Variants in PCDHGB3 observed in about 807,000 individuals in gnomAD.
PCDHGB3 encodes the protein protocadherin gamma subfamily B, 3.
Under a neutral mutation model 59.2 loss-of-function variants are expected in PCDHGB3, and 40 were observed. That is an observed-to-expected ratio of 0.68 (90% confidence interval 0.52 to 0.88). PCDHGB3 has a LOEUF of 0.88. Among genes scored for constraint, PCDHGB3 ranks in the 40% least tolerant of loss-of-function variants. The pLI is 0.00. For synonymous variants in PCDHGB3, 581 were observed against 503.6 expected (o/e 1.15, Z -2.06); for missense variants, 1,309 against 1,187.9 (o/e 1.10, Z -1.50).
Position 141,485,274 on chromosome 5 carries a change from C to G in PCDHGB3, c.2416-9533C>G. 2 of 1,614,106 alleles carry G rather than the reference C, an allele frequency of 1.2e-6. No homozygotes were observed. Among genetic ancestry groups the G allele is most frequent in the Non-Finnish European group, 1.7e-6 (2 of 1,179,964 alleles). On this transcript the variant is annotated intron_variant, in intron 1 of 3. Transcript: ENST00000576222. The surrounding 1 kb of genome is among the most constrained non-coding windows in gnomAD (Gnocchi z 5.7). ...TACGTTTGTGGGCAGATCCGCTACC[C>G]GGTCCCAGAGGAGTCACAGGAAGGG...
rs3749776 is a variant in PCDHGB3 at position 141,371,822 on chromosome 5, C to T, written c.1428C>T (p.Ala476=). 0.026 allele frequency: 42,283 copies of T among 1,613,860 alleles called. 714 individuals carry two copies. Among genetic ancestry groups the T allele is most frequent in the East Asian group, 0.041 (1,838 of 44,886 alleles). ...GAGCCTCCATTGCGCATGTCAGAGC[C>T]TCGGATCCCGACTTGGGACCTAATG... ...PPGASIAHVR[A]SDPDLGPNGL... The change falls in exon 1 of 4, where the codon GCC becomes GCT. Residue 476 remains alanine, a synonymous_variant. Coordinates refer to ENST00000576222, the MANE Select transcript of PCDHGB3 (RefSeq NM_018924.5).
Position 141,372,298 on chromosome 5 carries a change from GGGA to G in PCDHGB3, c.1907_1909del (p.Glu636del). The G allele has an allele frequency of 6.2e-7, 1 of 1,613,330 alleles. No individual in the cohort carries two copies. Among genetic ancestry groups the G allele is most frequent in the Non-Finnish European group, 8.5e-7 (1 of 1,179,880 alleles). On this transcript the variant is annotated inframe_deletion, in exon 1 of 4. Coordinates refer to ENST00000576222, the MANE Select transcript of PCDHGB3 (RefSeq NM_018924.5). Reference sequence around the variant, plus strand: ...CGCACGGCGCGTACCTTGGGCGACAGGGAGGCCGCCCGCCAGCGCCTGCTGGTC... The same window carrying G: ...CGCACGGCGCGTACCTTGGGCGACAGGGCCGCCCGCCAGCGCCTGCTGGTC...
At chr5:141,376,253 C>T (rs778244253) in intron 1 of PCDHGB3, 2 of 1,614,222 alleles carry the variant, frequency 1.2e-6, no homozygotes, top group East Asian at 4.5e-5. Flanking sequence ...CAAGTCACGC[C>T]TGCTGCAGGC....
In PCDHGB3 at chr5:141,432,647, C is replaced by T; in HGVS notation, c.2415+59838C>T. On this transcript the variant is annotated intron_variant, in intron 1 of 3. Coordinates refer to ENST00000576222, the MANE Select transcript of PCDHGB3 (RefSeq NM_018924.5). This position sits in a 1 kb window ranked among gnomAD's most constrained non-coding sequence, Gnocchi z 6.0. ...GCACACGGGCGAGGTGCGCACGGCG[C>T]GAGCCCTGCTGGACAGAGACGCGCT... 3 of 1,613,796 alleles carry T rather than the reference C, an allele frequency of 1.9e-6. No homozygotes were observed. Among genetic ancestry groups the T allele is most frequent in the Admixed American group, 1.7e-5 (1 of 60,008 alleles).
At chr5:141,451,957 A>C (rs1019378263) in intron 1 of PCDHGB3, among the ~76,000 whole-genome samples, 3 of 152,202 alleles carry the variant, frequency 2.0e-5, no homozygotes, top group African/African-American at 7.2e-5. Context: ...AGAAAGTGAC[A>C]TACCATCATT....
At chr5:141,496,583 C>A (rs990137003) in intron 2 of PCDHGB3, among the ~76,000 whole-genome samples, 1 of 152,168 alleles carries the variant, frequency 6.6e-6, no homozygotes, top group African/African-American at 2.4e-5. Flanking sequence ...TTTAGGAACG[C>A]AAAGCGCTTC....
chr5:141,476,061 C>T lies in PCDHGB3; in HGVS notation c.2416-18746C>T. On this transcript the variant is annotated intron_variant, in intron 1 of 3. Coordinates refer to ENST00000576222, the MANE Select transcript of PCDHGB3 (RefSeq NM_018924.5). The surrounding 1 kb of genome is among the most constrained non-coding windows in gnomAD (Gnocchi z 7.6). Reference sequence around the variant, plus strand: ...AAGCGCTAACCCGCTGAAAGTTTCTCAGCGAAATCTCAGGGACGATCTGGA... The same window carrying T: ...AAGCGCTAACCCGCTGAAAGTTTCTTAGCGAAATCTCAGGGACGATCTGGA... The T allele has an allele frequency of 6.6e-7, 1 of 1,508,880 alleles. No homozygotes were observed. Among genetic ancestry groups the T allele is most frequent in the Non-Finnish European group, 8.8e-7 (1 of 1,136,354 alleles). 93.5% of individuals were successfully genotyped at this position (1,508,880 alleles called of 1,614,324 possible).
intron 1 of PCDHGB3, chr5:141,408,193 C>T (rs1280310689): frequency 6.5e-7 from 1 of 1,545,210 alleles, no homozygotes; most frequent in Non-Finnish European, 8.7e-7. Flanking sequence ...AGCGAGAACC[C>T]GAGCGAACGA....
chr5:141,375,816 C>G, intron 1 of PCDHGB3: 2 of 1,614,194 alleles, frequency 1.2e-6, no homozygotes, highest in South Asian at 2.2e-5. Flanking sequence ...GTGGAGCTGG[C>G]GCCCCGCTCC....
At chr5:141,408,500 A>G in intron 1 of PCDHGB3, 1 of 1,614,018 alleles carries the variant, frequency 6.2e-7, no homozygotes, top group Non-Finnish European at 8.5e-7. Context: ...CAAAGAGAGA[A>G]GAAGATGTGA....
rs755177334 is a variant in PCDHGB3, at chr5:141,403,403, C to A, written c.2415+30594C>A. On this transcript the variant is annotated intron_variant, in intron 1 of 3. Coordinates refer to ENST00000576222, the MANE Select transcript of PCDHGB3 (RefSeq NM_018924.5). ...TAACGAAATCGCGGTTCCTGGAGCA[C>A]GTTATCCACTTCCAGAAGCTATTGA... 6.2e-6 allele frequency: 10 copies of A among 1,613,948 alleles called. 1 individual carries two copies. The South Asian group carries it at 1.1e-4, about 18-fold the overall frequency.
intron 1 of PCDHGB3, among the ~76,000 whole-genome samples, chr5:141,450,816 T>C (rs960010807): frequency 7.9e-6 from 1 of 126,568 alleles, no homozygotes; most frequent in Non-Finnish European, 1.6e-5. Context: ...ATTTATTTAA[T>C]ATTATTATTA....
intron 1 of PCDHGB3, chr5:141,395,272 G>C (rs750503990): frequency 6.5e-7 from 1 of 1,544,348 alleles, no homozygotes; most frequent in Admixed American, 2.1e-5. Context: ...TTAATTTCCA[G>C]ATGAATTTTA....
At position 141,421,588 on chromosome 5, in the gene PCDHGB3, G is replaced by C; in HGVS notation, c.2415+48779G>C. 3 of 1,613,910 alleles carry C rather than the reference G, an allele frequency of 1.9e-6. No homozygotes were observed. The South Asian group carries it at 3.3e-5, about 18-fold the overall frequency. ...AGACACCTTGAAGATTTACGGAGTGGAGGTGGAAATAATAGATATTAATGA... is the reference window on the plus strand; with the variant it reads ...AGACACCTTGAAGATTTACGGAGTGCAGGTGGAAATAATAGATATTAATGA... On this transcript the variant is annotated intron_variant, in intron 1 of 3. Coordinates refer to ENST00000576222, the MANE Select transcript of PCDHGB3 (RefSeq NM_018924.5).
At chr5:141,380,599 A>G (rs1427125974) in intron 1 of PCDHGB3, among the ~76,000 whole-genome samples, 3 of 152,234 alleles carry the variant, frequency 2.0e-5, no homozygotes, top group Non-Finnish European at 2.9e-5. Context: ...GATCTTTAAT[A>G]TTTAATTTTA....
chr5:141,372,309 C>T lies in PCDHGB3; in HGVS notation c.1915C>T (p.Arg639Cys), dbSNP rs950315336. The change falls in exon 1 of 4, where the codon CGC becomes TGC. Residue 639 changes from arginine (R) to cysteine (C), a missense_variant. Transcript: ENST00000576222. ...TACCTTGGGCGACAGGGAGGCCGCC[C>T]GCCAGCGCCTGCTGGTCACTGTGCG... ...ARTLGDREAA[R>C]QRLLVTVRDG... 2 of 1,613,400 alleles carry T rather than the reference C, an allele frequency of 1.2e-6. No homozygotes were observed. The highest frequency in any genetic ancestry group is 2.2e-5 in the East Asian group (1 of 44,894).
chr5:141,417,874 C>A (rs768197455), intron 1 of PCDHGB3: 2 of 1,555,202 alleles, frequency 1.3e-6, no homozygotes, highest in African/African-American at 2.7e-5. Context: ...GAGGGAGCTG[C>A]GCGCAGAGGC....
Position 141,384,108 on chromosome 5 carries a change from AT to A in PCDHGB3, c.2415+11301del. 1.9e-6 allele frequency: 3 copies of A among 1,603,570 alleles called. No individual in the cohort carries two copies. In the East Asian group the frequency reaches 6.8e-5, roughly 36 times the overall value. Reference sequence around the variant, plus strand: ...AAAAATCAATAGATAATTATTATAGATTGGTCACAACCAAAAACTTGGACCG... The same window carrying A: ...AAAAATCAATAGATAATTATTATAGATGGTCACAACCAAAAACTTGGACCG... On this transcript the variant is annotated intron_variant, in intron 1 of 3. Transcript: ENST00000576222.
At chr5:141,393,609 G>A (rs1428368601) in intron 1 of PCDHGB3, 2 of 1,613,940 alleles carry the variant, frequency 1.2e-6, no homozygotes, top group South Asian at 2.2e-5. Context: ...TACTGTAACA[G>A]CCAGCGACCC....
Sources: allele counts gnomAD v4.1 joint callset (sites outside exome capture counted in the v4.1 genomes callset), GRCh38; gene constraint gnomAD v4.1.1; non-coding constraint Gnocchi (gnomAD v3.1); transcripts MANE v1.5; gene names NCBI Gene and HGNC (gene_info 2026-07-23, HGNC 2026-07-21).